The following THSD4 variants were observed in gnomAD, a reference collection of about 807,000 sequenced individuals.
THSD4 encodes thrombospondin type 1 domain containing 4.
In THSD4, 69 loss-of-function variants were observed where a neutral mutation model predicts 119.0. The ratio of observed to expected loss-of-function variants is 0.58; its 90% CI spans 0.48 to 0.71. The LOEUF (loss-of-function observed/expected upper bound fraction) is 0.71. THSD4 is among the 30% of genes least tolerant of loss of function. THSD4 has a pLI of 0.00. For synonymous variants in THSD4, 524 were observed against 540.4 expected (o/e 0.97, Z 0.42); for missense variants, 1,393 against 1,391.1 (o/e 1.00, Z -0.02).
intron 3 of THSD4, among the ~76,000 whole-genome samples, chr15:71,181,358 T>G (rs1351361774): frequency 6.6e-6 from 1 of 152,250 alleles, no homozygotes; most frequent in Non-Finnish European, 1.5e-5. Context: ...CAGAAAAATC[T>G]AATTTGCTTC....
At chr15:71,153,411 A>G (rs568692827) in intron 2 of THSD4, among the ~76,000 whole-genome samples, 3 of 152,314 alleles carry the variant, frequency 2.0e-5, no homozygotes, top group African/African-American at 7.2e-5. Context: ...CTTAGTATCC[A>G]TGTTCTCAGC....
chr15:71,338,472 G>A (rs1367412315), intron 6 of THSD4, among the ~76,000 whole-genome samples: 3 of 152,142 alleles, frequency 2.0e-5, no homozygotes, highest in Admixed American at 6.5e-5. Flanking sequence ...AATGCCGAGA[G>A]TATGTGAACT....
chr15:71,641,687 A>G (rs1045084131), intron 7 of THSD4, among the ~76,000 whole-genome samples: 2 of 152,140 alleles, frequency 1.3e-5, no homozygotes, highest in Non-Finnish European at 2.9e-5. Context: ...AGAATCCCTT[A>G]TGTCACTTTC....
At chr15:71,211,685 A>G (rs1369702008) in intron 3 of THSD4, among the ~76,000 whole-genome samples, 2 of 152,128 alleles carry the variant, frequency 1.3e-5, no homozygotes, top group East Asian at 3.9e-4. Flanking sequence ...ATACCCTTAG[A>G]TCCTGTCTCC....
At chr15:71,279,349 A>G (rs1228904520) in intron 6 of THSD4, among the ~76,000 whole-genome samples, 1 of 152,138 alleles carries the variant, frequency 6.6e-6, no homozygotes, top group Non-Finnish European at 1.5e-5. Flanking sequence ...GGCCCCCATC[A>G]ATCAGTCATG....
intron 1 of THSD4, among the ~76,000 whole-genome samples, chr15:71,137,988 C>T (rs966244462): frequency 6.6e-6 from 1 of 152,200 alleles, no homozygotes; most frequent in African/African-American, 2.4e-5. Context: ...CAGGCAGTCT[C>T]CTCACTCTGG....
chr15:71,678,949 T>G (rs1333071389), intron 8 of THSD4, among the ~76,000 whole-genome samples: 1 of 152,236 alleles, frequency 6.6e-6, no homozygotes, highest in Non-Finnish European at 1.5e-5. Context: ...TTGATCAATA[T>G]TTATTTTTCC....
At chr15:71,757,342 T>C (rs2053556519) in intron 14 of THSD4, among the ~76,000 whole-genome samples, 1 of 152,108 alleles carries the variant, frequency 6.6e-6, no homozygotes, top group Admixed American at 6.6e-5. Context: ...CCCCCTATTT[T>C]TCCAACCCAG....
At chr15:71,184,408 C>T (rs934386675) in intron 3 of THSD4, among the ~76,000 whole-genome samples, 12 of 151,768 alleles carry the variant, frequency 7.9e-5, no homozygotes, top group African/African-American at 2.7e-4. Flanking sequence ...TCCAGGTTCT[C>T]CATGCCCCGT....
At chr15:71,511,274 C>T (rs2048280114) in intron 7 of THSD4, among the ~76,000 whole-genome samples, 1 of 152,104 alleles carries the variant, frequency 6.6e-6, no homozygotes, top group African/African-American at 2.4e-5. Context: ...TGGACTGAGG[C>T]AGAGTTTGGG....
At chr15:71,224,535 G>C (rs2043999087) in intron 4 of THSD4, among the ~76,000 whole-genome samples, 1 of 152,170 alleles carries the variant, frequency 6.6e-6, no homozygotes, top group African/African-American at 2.4e-5. Flanking sequence ...TTTGTTACAG[G>C]TGTATTAGTT....
intron 7 of THSD4, among the ~76,000 whole-genome samples, chr15:71,599,912 ATCT>A (rs2049974981): frequency 1.3e-5 from 2 of 152,292 alleles, no homozygotes; most frequent in South Asian, 2.1e-4. Flanking sequence ...AGAGCCACAA[ATCT>A]TCTCACCAAG....
intron 1 of THSD4, among the ~76,000 whole-genome samples, chr15:71,118,810 A>G (rs2040385216): frequency 1.3e-5 from 2 of 152,260 alleles, no homozygotes; most frequent in Non-Finnish European, 2.9e-5. Context: ...AGGCTGACGC[A>G]GGTGAGGAGA....
At chr15:71,099,948 TTTTC>T (rs2040247471) in intron 1 of THSD4, among the ~76,000 whole-genome samples, 1 of 152,122 alleles carries the variant, frequency 6.6e-6, no homozygotes, top group Admixed American at 6.5e-5. Flanking sequence ...TGGGTGACAG[TTTTC>T]TTTGTTTGTT....
At chr15:71,359,725 G>T (rs556421424) in intron 6 of THSD4, among the ~76,000 whole-genome samples, 8 of 152,180 alleles carry the variant, frequency 5.3e-5, no homozygotes, top group Non-Finnish European at 7.3e-5. Context: ...TGAAAGGATC[G>T]CTTGGGCCTG....
At chr15:71,114,157 C>T (rs568873575), upstream of THSD4, among the ~76,000 whole-genome samples, 1 of 152,222 alleles carries the variant, frequency 6.6e-6, no homozygotes, top group East Asian at 1.9e-4. Flanking sequence ...GGCCAGTAGT[C>T]GGTGCTCAAA....
chr15:71,499,593 A>C (rs1161525250), intron 7 of THSD4, among the ~76,000 whole-genome samples: 2 of 152,168 alleles, frequency 1.3e-5, no homozygotes, highest in East Asian at 3.9e-4. Flanking sequence ...TGCAATGTAA[A>C]AGATCTCTAG....
At chr15:71,297,315 C>CTTTTT (rs772196153) in intron 6 of THSD4, among the ~76,000 whole-genome samples, 112 of 137,684 alleles carry the variant, frequency 8.1e-4, no homozygotes, top group African/African-American at 2.6e-3. Flanking sequence ...CTCTCCTCTT[C>CTTTTT]TTTTTTTTGT....
At chr15:71,497,927 A>G (rs1180300572) in intron 7 of THSD4, among the ~76,000 whole-genome samples, 1 of 152,252 alleles carries the variant, frequency 6.6e-6, no homozygotes, top group Non-Finnish European at 1.5e-5. Context: ...TACAGATAGA[A>G]TGGCTGGTAT....
Sources: allele counts gnomAD v4.1 joint callset (sites outside exome capture counted in the v4.1 genomes callset), GRCh38; gene constraint gnomAD v4.1.1; transcripts MANE v1.5; gene names NCBI Gene and HGNC (gene_info 2026-07-23, HGNC 2026-07-21).